FRAS1: variants seen among roughly 807,000 people sequenced by gnomAD.
FRAS1 encodes extracellular matrix organizing protein FRAS1.
Under a neutral mutation model 435.2 loss-of-function variants are expected in FRAS1, and 290 were observed. The ratio of observed to expected loss-of-function variants is 0.67; its 90% CI spans 0.61 to 0.73. The LOEUF is 0.73. FRAS1 is among the 30% of genes least tolerant of loss of function. The pLI, the probability that FRAS1 is intolerant of heterozygous loss-of-function variation, is 0.00. For missense variants in FRAS1, 4,860 were observed against 5,001.5 expected (o/e 0.97, Z 0.85); for synonymous variants, 1,800 against 1,851.0 (o/e 0.97, Z 0.71).
intron 2 of FRAS1, among the ~76,000 whole-genome samples, chr4:78,077,271 G>C (rs994687908): frequency 1.3e-5 from 2 of 152,088 alleles, no homozygotes; most frequent in Non-Finnish European, 2.9e-5. Context: ...TTGGGCGGCT[G>C]AGGTGGGAGG....
At chr4:78,119,171 AT>A (rs1718865564) in intron 2 of FRAS1, among the ~76,000 whole-genome samples, 1 of 152,214 alleles carries the variant, frequency 6.6e-6, no homozygotes, top group East Asian at 1.9e-4. Context: ...TTAAACATTT[AT>A]CACTTCTTTG....
intron 2 of FRAS1, chr4:78,071,397 G>A (rs1740342214): frequency 6.6e-6 from 1 of 152,194 alleles, no homozygotes; most frequent in South Asian, 2.1e-4. Context: ...TCATTCAGGT[G>A]GTAACAAGAT....
intron 37 of FRAS1, 40 bp downstream of exon 37, chr4:78,430,457 G>T (rs775440764): frequency 2.5e-6 from 4 of 1,585,310 alleles, no homozygotes; most frequent in Non-Finnish European, 2.6e-6. Flanking sequence ...GACCTGCTTG[G>T]AGGATTTTTT....
chr4:78,189,411 G>A (rs953062956), intron 2 of FRAS1, among the ~76,000 whole-genome samples: 1 of 152,110 alleles, frequency 6.6e-6, no homozygotes, highest in South Asian at 2.1e-4. Context: ...GATCACTTTC[G>A]TTGAACTTCC....
Position 78,541,065 on chromosome 4 carries a change from A to G in FRAS1, c.11980A>G (p.Lys3994Glu), listed in dbSNP as rs1722037176. ...TTACACGTTCAAAGGTGCTAAAGTC[A>G]AAAGACTGAATCTAGAAGTCAGAGT... ...AAYTFKGAKVKRLNLEVRVHN... is the reference protein window; with the variant it reads ...AAYTFKGAKVERLNLEVRVHN... Residue 3994 changes from lysine to glutamate, a missense_variant, in exon 74 of 74, where the codon AAA becomes GAA. By Grantham distance (56) the Lys-to-Glu change is moderately conservative. Coordinates refer to ENST00000512123, the MANE Select transcript of FRAS1 (RefSeq NM_025074.7). 4 of 1,422,400 alleles carry G rather than the reference A, an allele frequency of 2.8e-6. No homozygotes were observed. The highest frequency in any genetic ancestry group is 2.8e-5 in the African/African-American group (2 of 70,420). The allele number at this position is 1,422,400 out of a possible 1,614,324, so 88.1% of individuals were successfully genotyped here.
chr4:78,440,223 G>A (rs1240821519), intron 40 of FRAS1, among the ~76,000 whole-genome samples: 12 of 151,408 alleles, frequency 7.9e-5, no homozygotes, highest in East Asian at 1.9e-4. Context: ...TAGTAGAGAC[G>A]GGGTTTCACC....
At chr4:78,081,485 G>T (rs1346698327) in intron 2 of FRAS1, among the ~76,000 whole-genome samples, 1 of 152,080 alleles carries the variant, frequency 6.6e-6, no homozygotes, top group African/African-American at 2.4e-5. Context: ...GGTAGTTCTG[G>T]GCTACATGTG....
At chr4:78,067,593 C>A (rs565421086) in intron 2 of FRAS1, among the ~76,000 whole-genome samples, 21 of 151,928 alleles carry the variant, frequency 1.4e-4, no homozygotes, top group African/African-American at 4.8e-4. Flanking sequence ...CACACCAGCA[C>A]GCTCCTCATT....
At chr4:78,219,429 T>A (rs376818945) in intron 2 of FRAS1, among the ~76,000 whole-genome samples, 1 of 152,208 alleles carries the variant, frequency 6.6e-6, no homozygotes, top group East Asian at 1.9e-4. Context: ...AAATAATATA[T>A]TTCCTAATTG....
intron 2 of FRAS1, among the ~76,000 whole-genome samples, chr4:78,142,109 A>G (rs190388175): frequency 6.6e-6 from 1 of 151,454 alleles, no homozygotes. Context: ...ACCAAATACC[A>G]CCTGTACCTC....
intron 2 of FRAS1, among the ~76,000 whole-genome samples, chr4:78,173,687 T>C (rs935220727): frequency 1.3e-5 from 2 of 152,246 alleles, no homozygotes; most frequent in Admixed American, 1.3e-4. Context: ...CACGTCTTTC[T>C]ATAAGGTGCA....
Position 78,282,859 on chromosome 4 carries a change from G to C in FRAS1, c.1147G>C (p.Glu383Gln). Residue 383 changes from glutamate to glutamine, a missense_variant, in exon 12 of 74, where the codon GAG becomes CAG. Physicochemically the swap from Glu to Gln is conservative, Grantham distance 29 (BLOSUM62 2). Transcript: ENST00000512123. The part of the protein sequence containing the change: ...KWEDGPCKVC[E>Q]CRGAQVTCYE... ...GGAAGATGGCCCTTGCAAGGTGTGT[G>C]AGTGCCGAGGGGCTCAGGTAACTTG... The C allele has an allele frequency of 6.2e-7, 1 of 1,613,172 alleles. No homozygotes were observed. The highest frequency in any genetic ancestry group is 1.3e-5 in the African/African-American group (1 of 75,018).
intron 2 of FRAS1, among the ~76,000 whole-genome samples, chr4:78,213,262 C>G (rs1337789615): frequency 6.6e-6 from 1 of 152,260 alleles, no homozygotes; most frequent in Non-Finnish European, 1.5e-5. Context: ...GTTGCATGAT[C>G]AATAAGGTTT....
intron 9 of FRAS1, among the ~76,000 whole-genome samples, chr4:78,272,097 G>C (rs1185221141): frequency 6.6e-6 from 1 of 152,176 alleles, no homozygotes; most frequent in African/African-American, 2.4e-5. Context: ...GTGTCTGTTG[G>C]CTGCATAAAT....
intron 2 of FRAS1, among the ~76,000 whole-genome samples, chr4:78,073,590 G>A (rs1426944539): frequency 1.3e-5 from 2 of 151,954 alleles, no homozygotes; most frequent in Non-Finnish European, 2.9e-5. Context: ...TTTTCTATGT[G>A]ATACATTTAT....
chr4:78,505,909 GT>G (rs1720823598), intron 61 of FRAS1, among the ~76,000 whole-genome samples: 1 of 152,170 alleles, frequency 6.6e-6, no homozygotes, highest in Non-Finnish European at 1.5e-5. Flanking sequence ...TACAGATGGG[GT>G]TTTGGTGTGA....
At chr4:78,208,183 A>T (rs1324289664) in intron 2 of FRAS1, among the ~76,000 whole-genome samples, 2 of 152,300 alleles carry the variant, frequency 1.3e-5, no homozygotes, top group East Asian at 3.9e-4. Context: ...GGGTAGACCC[A>T]GAAGAGAGAT....
chr4:78,186,045 G>A (rs1443437957), intron 2 of FRAS1, among the ~76,000 whole-genome samples: 1 of 152,176 alleles, frequency 6.6e-6, no homozygotes, highest in Non-Finnish European at 1.5e-5. Context: ...AAAGTGCTGT[G>A]TGTAAGACAT....
intron 3 of FRAS1, among the ~76,000 whole-genome samples, chr4:78,241,286 A>G (rs1320724729): frequency 6.6e-6 from 1 of 152,118 alleles, no homozygotes; most frequent in Non-Finnish European, 1.5e-5. Context: ...CCTTGACTAG[A>G]CTGCAATGCC....
Sources: gnomAD v4.1 joint callset for allele counts (sites outside exome capture counted in the v4.1 genomes callset) on GRCh38, gnomAD v4.1.1 for gene constraint, MANE v1.5 for transcripts, NCBI Gene and HGNC (gene_info 2026-07-23, HGNC 2026-07-21) for gene names.